The following CHERP variants were observed in gnomAD, a reference collection of about 807,000 sequenced individuals.
The protein encoded by CHERP is ERPROT 213-21.
Under a neutral mutation model 113.8 loss-of-function variants are expected in CHERP, and 8 were observed. That is an observed-to-expected ratio of 0.07 (90% CI 0.04 to 0.13). CHERP has a LOEUF of 0.13. Among genes scored for constraint, CHERP ranks in the 10% least tolerant of loss-of-function variants. The pLI, the probability that CHERP is intolerant of heterozygous loss-of-function variation, is 1.00. For missense variants in CHERP, 884 were observed against 1,298.2 expected (o/e 0.68, Z 4.90); for synonymous variants, 559 against 524.5 (o/e 1.07, Z -0.90).
chr19:16,531,097 C>T (rs887679059), intron 5 of CHERP, among the ~76,000 whole-genome samples: 2 of 152,130 alleles, frequency 1.3e-5, no homozygotes, highest in East Asian at 1.9e-4. Flanking sequence ...AGGGAGAGAA[C>T]GTGGCCTGGG....
In CHERP at chr19:16,530,139, G is replaced by A. The variant is rs559158501; in HGVS notation, c.877-239C>T. ...TTTTACGACTCCCTGATAACAGAAC[G>A]AGCAACGACAGCCGTGTCCTGGCCG... On this transcript the variant is annotated intron_variant, in intron 7 of 16. Transcript: ENST00000546361. This position sits in a 1 kb window ranked among gnomAD's most constrained non-coding sequence, Gnocchi z 4.1. 9.2e-5 allele frequency among the ~76,000 whole-genome samples: 14 copies of A among 152,314 alleles called. No homozygotes were observed. Among genetic ancestry groups the A allele is most frequent in the South Asian group, 2.1e-4 (1 of 4,826 alleles).
At chr19:16,539,146 GTTT>G (rs889826521) in intron 2 of CHERP, among the ~76,000 whole-genome samples, 4 of 130,874 alleles carry the variant, frequency 3.1e-5, no homozygotes, top group Non-Finnish European at 4.9e-5. Context: ...TTTAGAAACG[GTTT>G]TTTTTTTTTT....
At chr19:16,527,395 T>A (rs2085663764) in intron 9 of CHERP, among the ~76,000 whole-genome samples, 1 of 152,170 alleles carries the variant, frequency 6.6e-6, no homozygotes, top group African/African-American at 2.4e-5. Flanking sequence ...CCACCAAGTC[T>A]CAGTCCAGAG....
chr19:16,532,488 A>G lies in CHERP; in HGVS notation c.674+110T>C. ...CGGGGTCCCCGGACAAGTGCCCCCTAGTCTCGGGACAGGCCAAGCCAAGCT... is the reference window on the plus strand; with the variant it reads ...CGGGGTCCCCGGACAAGTGCCCCCTGGTCTCGGGACAGGCCAAGCCAAGCT... On this transcript the variant is annotated intron_variant, in intron 5 of 16. Transcript: ENST00000546361. This position sits in a 1 kb window ranked among gnomAD's most constrained non-coding sequence, Gnocchi z 4.4. 6.8e-6 allele frequency: 9 copies of G among 1,322,806 alleles called. No individual in the cohort carries two copies. Among genetic ancestry groups the G allele is most frequent in the Non-Finnish European group, 9.0e-6 (9 of 995,130 alleles). 81.9% of individuals were successfully genotyped at this position (1,322,806 alleles called of 1,614,324 possible). A position where few individuals can be genotyped will look rare whatever the true frequency, so the allele number is the denominator to read the frequency against.
intron 9 of CHERP, among the ~76,000 whole-genome samples, chr19:16,527,763 TAAG>T (rs2085666256): frequency 6.6e-6 from 1 of 152,138 alleles, no homozygotes. Context: ...TTAACCTGTT[TAAG>T]GAGGACAGGA....
chr19:16,518,779 C>T lies in CHERP; in HGVS notation c.*380G>A, dbSNP rs1555779873. On this transcript the variant is annotated 3_prime_UTR_variant, in exon 17 of 17. Coordinates refer to ENST00000546361, the MANE Select transcript of CHERP (RefSeq NM_006387.6). ...CCGGCTCTGGCTCAGGCCAACCCTT[C>T]CTGCACATGCTCCTCCTGGAGCCTA... 4.0e-6 allele frequency: 1 copy of T among 251,444 alleles called. No individual in the cohort carries two copies. Among genetic ancestry groups the T allele is most frequent in the Non-Finnish European group, 7.7e-6 (1 of 129,452 alleles). The allele number at this position is 251,444 out of a possible 1,614,324, so 15.6% of individuals were successfully genotyped here. A position where few individuals can be genotyped will look rare whatever the true frequency, so the allele number is the denominator to read the frequency against.
At chr19:16,527,631 C>T (rs1364787781) in intron 9 of CHERP, among the ~76,000 whole-genome samples, 3 of 152,208 alleles carry the variant, frequency 2.0e-5, no homozygotes, top group African/African-American at 7.2e-5. Flanking sequence ...GTATGTGACC[C>T]ATAGCAAAGC....
Position 16,519,737 on chromosome 19 carries a change from C to T in CHERP, c.2463-22G>A, listed in dbSNP as rs1468176319. 2 of 1,586,806 alleles carry T rather than the reference C, an allele frequency of 1.3e-6. No individual in the cohort carries two copies. Among genetic ancestry groups the T allele is most frequent in the African/African-American group, 2.7e-5 (2 of 74,364 alleles). ...GGAACTAAAATCGAGACAGGTTATTCTTTTTAAGAAGTAACTGAGACATTT... is the reference window on the plus strand; with the variant it reads ...GGAACTAAAATCGAGACAGGTTATTTTTTTTAAGAAGTAACTGAGACATTT... On this transcript the variant is annotated intron_variant, in intron 15 of 16. Coordinates refer to ENST00000546361, the MANE Select transcript of CHERP (RefSeq NM_006387.6). The surrounding 1 kb of genome is among the most constrained non-coding windows in gnomAD (Gnocchi z 6.0).
In CHERP at chr19:16,541,991, A is replaced by G; in HGVS notation, c.78T>C (p.Asn26=). Residue 26 remains asparagine (N), a synonymous_variant, in exon 2 of 17, where the codon AAT becomes AAC. Transcript: ENST00000546361. Reference sequence around the variant, plus strand: ...TAGTCATCTTCTCAAACTCGGGCCCATTGCGAGCCACGAACTGGGCGAGCT... The same window carrying G: ...TAGTCATCTTCTCAAACTCGGGCCCGTTGCGAGCCACGAACTGGGCGAGCT... The part of the protein sequence containing the change: ...IDKLAQFVAR[N]GPEFEKMTME... The G allele has an allele frequency of 6.2e-7, 1 of 1,613,944 alleles. No homozygotes were observed.
chr19:16,542,379 G>A lies in CHERP; in HGVS notation c.-1C>T. ...CATCGGGGGGCAGCGGCATCTCCAT[G>A]GCTCCGGCCGCGGGGAACGTCCTCC... On this transcript the variant is annotated 5_prime_UTR_variant, in exon 1 of 17. Transcript: ENST00000546361. 7.3e-7 allele frequency: 1 copy of A among 1,370,322 alleles called. No individual in the cohort carries two copies. Among genetic ancestry groups the A allele is most frequent in the Non-Finnish European group, 9.5e-7 (1 of 1,054,310 alleles). The allele number at this position is 1,370,322 out of a possible 1,614,324, so 84.9% of individuals were successfully genotyped here.
At position 16,532,195 on chromosome 19, in the gene CHERP, G is replaced by A. The variant is rs1361710964; in HGVS notation, c.674+403C>T. 1.7e-5 allele frequency: 3 copies of A among 178,652 alleles called. No individual in the cohort carries two copies. In the South Asian group the frequency reaches 3.8e-4, roughly 23 times the overall value. The allele number at this position is 178,652 out of a possible 1,614,324, so 11.1% of individuals were successfully genotyped here. On this transcript the variant is annotated intron_variant, in intron 5 of 16. Transcript: ENST00000546361. The surrounding 1 kb of genome is among the most constrained non-coding windows in gnomAD (Gnocchi z 4.4). ...GATGGCTGAGCAAAGTCAGGTGACC[G>A]CGTGTGTGTGCGTGCAAATCAGTGA... is the stretch of plus-strand genomic sequence containing the variant.
rs2085787501 is a variant in CHERP at position 16,542,434 on chromosome 19, C to T, written c.-56G>A. On this transcript the variant is annotated 5_prime_UTR_variant, in exon 1 of 17. Coordinates refer to ENST00000546361, the MANE Select transcript of CHERP (RefSeq NM_006387.6). ...CCACACGATCGACCACCAGCGCCGT[C>T]TGCGGAAGCCGGCCGGAAGTGGCGC... 7.7e-7 allele frequency: 1 copy of T among 1,305,574 alleles called. No homozygotes were observed. Among genetic ancestry groups the T allele is most frequent in the South Asian group, 2.8e-5 (1 of 35,146 alleles). The allele number at this position is 1,305,574 out of a possible 1,614,324, so 80.9% of individuals were successfully genotyped here. A position where few individuals can be genotyped will look rare whatever the true frequency, so the allele number is the denominator to read the frequency against.
chr19:16,519,155 G>T lies in CHERP; in HGVS notation c.*4C>A. ...GCCACCGGCGCGGCTCCCGGCATGG[G>T]CGCCTACTTACACTCGTCCCTGGCC... On this transcript the variant is annotated 3_prime_UTR_variant, in exon 17 of 17. Coordinates refer to ENST00000546361, the MANE Select transcript of CHERP (RefSeq NM_006387.6). The surrounding 1 kb of genome is among the most constrained non-coding windows in gnomAD (Gnocchi z 6.0). 1.9e-6 allele frequency: 3 copies of T among 1,611,502 alleles called. No individual in the cohort carries two copies. The highest frequency in any genetic ancestry group is 2.2e-5 in the East Asian group (1 of 44,814).
rs529651967 is a variant in CHERP, at chr19:16,525,091, C to G, written c.1741+151G>C. ...AGTCTGTGCCCCCACTTCCTGAGAA[C>G]CCAGGCCGGGCTCCTCGGACGTCCC... is the stretch of plus-strand genomic sequence containing the variant. On this transcript the variant is annotated intron_variant, in intron 10 of 16. Coordinates refer to ENST00000546361, the MANE Select transcript of CHERP (RefSeq NM_006387.6). The surrounding 1 kb of genome is among the most constrained non-coding windows in gnomAD (Gnocchi z 6.5). 1.4e-6 allele frequency: 1 copy of G among 733,374 alleles called. No individual in the cohort carries two copies. Among genetic ancestry groups the G allele is most frequent in the Non-Finnish European group, 1.9e-6 (1 of 520,330 alleles). 45.4% of individuals were successfully genotyped at this position (733,374 alleles called of 1,614,324 possible).
chr19:16,519,490 G>A lies in CHERP; in HGVS notation c.2557+131C>T, dbSNP rs867847832. ...CCCGCAGGCCGGCCCTGTCTAGAGG[G>A]TCTGGGTGGAGTCAGAACCGGCCTG... is the stretch of plus-strand genomic sequence containing the variant. On this transcript the variant is annotated intron_variant, in intron 16 of 16. Coordinates refer to ENST00000546361, the MANE Select transcript of CHERP (RefSeq NM_006387.6). This position sits in a 1 kb window ranked among gnomAD's most constrained non-coding sequence, Gnocchi z 6.0. 114 of 1,254,828 alleles carry A rather than the reference G, an allele frequency of 9.1e-5. No individual in the cohort carries two copies. In the African/African-American group the frequency reaches 1.4e-3, roughly 15 times the overall value. The allele number at this position is 1,254,828 out of a possible 1,614,324, so 77.7% of individuals were successfully genotyped here.
chr19:16,522,538 T>C (rs898734277), intron 11 of CHERP, among the ~76,000 whole-genome samples: 3 of 152,118 alleles, frequency 2.0e-5, no homozygotes, highest in African/African-American at 7.2e-5. Flanking sequence ...GGATTACAGG[T>C]GTGAGCCACT....
Position 16,518,883 on chromosome 19 carries a change from TTG to T in CHERP, c.*274_*275del. On this transcript the variant is annotated 3_prime_UTR_variant, in exon 17 of 17. Coordinates refer to ENST00000546361, the MANE Select transcript of CHERP (RefSeq NM_006387.6). The stretch of plus-strand genomic sequence containing the variant: ...GAAGAATTTACTCGGGCGGAGGGTC[TTG>T]TGTTTTTTGCTTCGCTATAAAGGAA... 2.1e-6 allele frequency: 1 copy of T among 477,332 alleles called. No homozygotes were observed. The highest frequency in any genetic ancestry group is 2.5e-5 in the South Asian group (1 of 39,894). 29.6% of individuals were successfully genotyped at this position (477,332 alleles called of 1,614,324 possible).
At position 16,519,274 on chromosome 19, in the gene CHERP, T is replaced by C; in HGVS notation, c.2636A>G (p.Lys879Arg). 1 of 1,614,068 alleles carries C rather than the reference T, an allele frequency of 6.2e-7. No homozygotes were observed. Among genetic ancestry groups the C allele is most frequent in the South Asian group, 1.1e-5 (1 of 91,084 alleles). ...DPIKGGDVRDKWDQYKGVGVA... is the reference protein window; with the variant it reads ...DPIKGGDVRDRWDQYKGVGVA... ...GCCCACGCCTTTATACTGGTCCCAC[T>C]TATCCCGGACGTCCCCGCCCTTGAT... The change falls in exon 17 of 17, where the codon AAG (lysine) becomes AGG (arginine). Residue 879 changes from lysine (K) to arginine (R), a missense_variant. This residue lies in a region of CHERP where 42 missense variants were observed against 105.1 expected (regional missense o/e 0.40). Coordinates refer to ENST00000546361, the MANE Select transcript of CHERP (RefSeq NM_006387.6). This position sits in a 1 kb window ranked among gnomAD's most constrained non-coding sequence, Gnocchi z 6.0.
chr19:16,521,098 G>A (rs1048699382), intron 12 of CHERP, 186 bp from the exon 13 acceptor site: 1 of 628,182 alleles, frequency 1.6e-6, no homozygotes. Flanking sequence ...GCAGCCCAGT[G>A]GCTCCTCTGG....
Sources: allele counts gnomAD v4.1 joint callset (sites outside exome capture counted in the v4.1 genomes callset), GRCh38; gene constraint gnomAD v4.1.1; regional missense constraint gnomAD v4.1.1; non-coding constraint Gnocchi (gnomAD v3.1); transcripts MANE v1.5; gene names NCBI Gene and HGNC (gene_info 2026-07-23, HGNC 2026-07-21).